Variants in TRIM33 observed in about 807,000 individuals in gnomAD.
The protein encoded by TRIM33 is E3 ubiquitin-protein ligase TRIM33.
TRIM33 carries 20 observed loss-of-function variants against 125.4 expected under a neutral mutation model. The ratio of observed to expected loss-of-function variants is 0.16; its 90% CI spans 0.11 to 0.23. TRIM33 has a LOEUF of 0.23. Among genes scored for constraint, TRIM33 ranks in the 10% least tolerant of loss-of-function variants. TRIM33 has a pLI of 1.00. For synonymous variants in TRIM33, 564 were observed against 513.9 expected (o/e 1.10, Z -1.32); for missense variants, 920 against 1,411.4 (o/e 0.65, Z 5.58).
At chr1:114,427,933 GA>G (rs768531453) in intron 6 of TRIM33, 39 bp from the exon 7 acceptor site, 40 of 1,597,534 alleles carry the variant, frequency 2.5e-5, no homozygotes, top group Middle Eastern at 3.3e-4. Context: ...AATTCCATAT[GA>G]AAAAAAATCA....
chr1:114,470,924 A>T (rs934230520), intron 1 of TRIM33, among the ~76,000 whole-genome samples: 1 of 152,162 alleles, frequency 6.6e-6, no homozygotes, highest in Non-Finnish European at 1.5e-5. Flanking sequence ...TCAGCCTCCC[A>T]TGCAGTGGGG....
At chr1:114,419,610 C>T (rs996035415) in intron 11 of TRIM33, among the ~76,000 whole-genome samples, 1 of 152,040 alleles carries the variant, frequency 6.6e-6, no homozygotes. Flanking sequence ...AATAAAACTA[C>T]CATTCCCTCA....
intron 9 of TRIM33, 48 bp from the exon 10 acceptor site, chr1:114,424,803 T>G (rs761489445): frequency 8.4e-7 from 1 of 1,194,362 alleles, no homozygotes; most frequent in Admixed American, 3.3e-5. Flanking sequence ...TAAAATAAAT[T>G]TATCTCAATT....
intron 1 of TRIM33, among the ~76,000 whole-genome samples, chr1:114,494,409 G>A (rs928124148): frequency 1.3e-5 from 2 of 152,240 alleles, no homozygotes; most frequent in African/African-American, 4.8e-5. Flanking sequence ...AGGATAAGGA[G>A]TGGGAGGGAG....
At position 114,397,193 on chromosome 1, in the gene TRIM33, A is replaced by C; in HGVS notation, c.*455T>G. ...CTACTTGGGTTTTTAACTAGAAAACAACCTGATATGTATGTGTGTGAAGGG... is the reference window on the plus strand; with the variant it reads ...CTACTTGGGTTTTTAACTAGAAAACCACCTGATATGTATGTGTGTGAAGGG... On this transcript the variant is annotated 3_prime_UTR_variant, in exon 20 of 20. Coordinates refer to ENST00000358465, the MANE Select transcript of TRIM33 (RefSeq NM_015906.4). 1 of 232,250 alleles carries C rather than the reference A, an allele frequency of 4.3e-6. No homozygotes were observed. Among genetic ancestry groups the C allele is most frequent in the Non-Finnish European group, 8.6e-6 (1 of 116,838 alleles). The allele number at this position is 232,250 out of a possible 1,614,324, so 14.4% of individuals were successfully genotyped here. A position where few individuals can be genotyped will look rare whatever the true frequency, so the allele number is the denominator to read the frequency against.
In TRIM33 at chr1:114,508,111, T is replaced by C. The variant is rs116547252; in HGVS notation, c.526+2440A>G. On this transcript the variant is annotated intron_variant, in intron 1 of 19. Transcript: ENST00000358465. ...CAGCCTGAGCAACAGAGCGAGACTG[T>C]CTCAAAAAAAAATTTTTTTTAATCA... Among the ~76,000 whole-genome samples the C allele has an allele frequency of 9.2e-3, 1,403 of 152,152 alleles. 19 individuals are homozygous for C. The highest frequency in any genetic ancestry group is 0.032 in the African/African-American group (1,319 of 41,486).
chr1:114,483,883 G>A (rs1651507504), intron 1 of TRIM33, among the ~76,000 whole-genome samples: 1 of 152,144 alleles, frequency 6.6e-6, no homozygotes, highest in Non-Finnish European at 1.5e-5. Context: ...ACTACAGACT[G>A]AGGAGTAGAG....
chr1:114,425,813 C>T, intron 8 of TRIM33, 90 bp from the exon 9 acceptor site: 2 of 887,468 alleles, frequency 2.3e-6, no homozygotes, highest in Non-Finnish European at 3.4e-6. Context: ...TTTCCTCTGA[C>T]AACTATCAGC....
chr1:114,419,217 A>G (rs955224983), intron 11 of TRIM33, among the ~76,000 whole-genome samples: 20 of 150,946 alleles, frequency 1.3e-4, no homozygotes, highest in African/African-American at 4.4e-4. Context: ...AAAAAAAAAA[A>G]AAAAGAAAGA....
chr1:114,490,908 G>A (rs1652021908), intron 1 of TRIM33: 1 of 152,120 alleles, frequency 6.6e-6, no homozygotes, highest in South Asian at 2.1e-4. Flanking sequence ...AGCCACATAA[G>A]ACCACACATC....
At chr1:114,483,677 T>C (rs988255898) in intron 1 of TRIM33, among the ~76,000 whole-genome samples, 2 of 152,200 alleles carry the variant, frequency 1.3e-5, no homozygotes, top group Admixed American at 1.3e-4. Flanking sequence ...CCTCCCAAAG[T>C]GCTGGGATTA....
intron 1 of TRIM33, among the ~76,000 whole-genome samples, chr1:114,490,105 G>GA (rs1354727485): frequency 1.0e-5 from 1 of 100,454 alleles, no homozygotes; most frequent in Non-Finnish European, 1.9e-5. Flanking sequence ...AAAAAAAAAA[G>GA]AAAAGGAAAG....
At chr1:114,429,937 C>T (rs1415203718) in intron 6 of TRIM33, among the ~76,000 whole-genome samples, 1 of 152,004 alleles carries the variant, frequency 6.6e-6, no homozygotes, top group South Asian at 2.1e-4. Flanking sequence ...ATTTCATGAA[C>T]TGACTAGATT....
intron 1 of TRIM33, among the ~76,000 whole-genome samples, chr1:114,507,601 C>T (rs1442226518): frequency 6.6e-6 from 1 of 152,134 alleles, no homozygotes; most frequent in East Asian, 1.9e-4. Context: ...TATTATTTGC[C>T]TTGGTGAGAT....
chr1:114,430,368 C>T (rs114252583), intron 6 of TRIM33, among the ~76,000 whole-genome samples: 2,449 of 152,192 alleles, frequency 0.016, 61 homozygotes, highest in African/African-American at 0.056. Flanking sequence ...CCTCAGTTTC[C>T]TGAGTAGCTG....
chr1:114,416,878 T>C (rs1335138645), intron 11 of TRIM33, among the ~76,000 whole-genome samples: 1 of 152,202 alleles, frequency 6.6e-6, no homozygotes, highest in Non-Finnish European at 1.5e-5. Context: ...AAACCTCTTT[T>C]CTTTATAAAC....
At chr1:114,451,230 A>G (rs1649292103) in intron 4 of TRIM33, among the ~76,000 whole-genome samples, 1 of 152,156 alleles carries the variant, frequency 6.6e-6, no homozygotes, top group African/African-American at 2.4e-5. Flanking sequence ...TGTGACACCT[A>G]TCATCTCTAG....
intron 11 of TRIM33, among the ~76,000 whole-genome samples, chr1:114,414,204 T>C (rs1205872339): frequency 6.6e-6 from 1 of 152,184 alleles, no homozygotes; most frequent in African/African-American, 2.4e-5. Context: ...TTTTTCTTTT[T>C]TAAAAGCTAC....
intron 10 of TRIM33, among the ~76,000 whole-genome samples, chr1:114,422,064 T>C (rs2101146131): frequency 6.6e-6 from 1 of 152,250 alleles, no homozygotes; most frequent in African/African-American, 2.4e-5. Flanking sequence ...AAAAGAAAAA[T>C]GGCAGCAAGT....
Sources: gnomAD v4.1 joint callset for allele counts (sites outside exome capture counted in the v4.1 genomes callset) on GRCh38, gnomAD v4.1.1 for gene constraint, MANE v1.5 for transcripts, NCBI Gene and HGNC (gene_info 2026-07-23, HGNC 2026-07-21) for gene names.